ZNF578: variants seen among roughly 807,000 people sequenced by gnomAD.
The protein encoded by ZNF578 is zinc finger protein 578, also known as Putative chemokine-related protein B42.
In ZNF578, 8 loss-of-function variants were observed where a neutral mutation model predicts 8.3. That is an observed-to-expected ratio of 0.96 (90% CI 0.56 to 1.74). The LOEUF (loss-of-function observed/expected upper bound fraction) is 1.74, where lower values mean the gene tolerates loss of function less well. Among genes scored for constraint, ZNF578 ranks in the 40% most tolerant of loss-of-function variants. The pLI, the probability that ZNF578 is intolerant of heterozygous loss-of-function variation, is 0.00. For synonymous variants in ZNF578, 206 were observed against 232.2 expected (o/e 0.89, Z 1.03); for missense variants, 726 against 707.5 (o/e 1.03, Z -0.30).
chr19:52,491,943 G>A (rs1276697798), intron 3 of ZNF578, among the ~76,000 whole-genome samples: 1 of 151,770 alleles, frequency 6.6e-6, no homozygotes, highest in African/African-American at 2.4e-5. Context: ...GGCGGATCAC[G>A]AAGTCAGGAG....
intron 2 of ZNF578, among the ~76,000 whole-genome samples, chr19:52,464,398 C>A (rs960886555): frequency 6.6e-6 from 1 of 152,130 alleles, no homozygotes; most frequent in Non-Finnish European, 1.5e-5. Flanking sequence ...AGTAGCAATT[C>A]CTAAGGTGGG....
At chr19:52,502,767 C>T (rs117810408) in intron 4 of ZNF578, among the ~76,000 whole-genome samples, 26,645 of 152,048 alleles carry the variant, frequency 0.18, 2,707 homozygotes, top group Non-Finnish European at 0.23. Flanking sequence ...GAGAAGGTGT[C>T]GCTCTGTGGC....
Position 52,479,995 on chromosome 19 carries a change from C to T in ZNF578, c.-121-11329C>T, listed in dbSNP as rs552725202. Among the ~76,000 whole-genome samples, 58 of 152,200 alleles carry T rather than the reference C, an allele frequency of 3.8e-4. 1 individual carries two copies. In the South Asian group the frequency reaches 0.011, roughly 29 times the overall value. On this transcript the variant is annotated intron_variant, in intron 2 of 5. Coordinates refer to ENST00000421239, the MANE Select transcript of ZNF578 (RefSeq NM_001099694.2). ...CACAATCTTGGCTCACTGCAAGCTC[C>T]GCCTCCCGGGTTCATGCCATTCTCC...
chr19:52,501,168 C>T (rs111865301), intron 3 of ZNF578, among the ~76,000 whole-genome samples: 20 of 152,154 alleles, frequency 1.3e-4, no homozygotes, highest in Non-Finnish European at 2.4e-4. Context: ...AGAGCCCCTG[C>T]GTCTGGCCTC....
intron 2 of ZNF578, among the ~76,000 whole-genome samples, chr19:52,482,193 C>T (rs1289596484): frequency 6.6e-6 from 1 of 152,154 alleles, no homozygotes. Flanking sequence ...ACCACAACGC[C>T]CGGCTAATTT....
chr19:52,508,893 A>ATTTTTTTT (rs869062581), intron 5 of ZNF578, among the ~76,000 whole-genome samples: 2 of 82,046 alleles, frequency 2.4e-5, no homozygotes, highest in Non-Finnish European at 4.4e-5. Context: ...CTATTAGTCA[A>ATTTTTTTT]TTTTTTTTTT....
At chr19:52,465,505 G>A (rs1006674370) in intron 2 of ZNF578, among the ~76,000 whole-genome samples, 10 of 152,166 alleles carry the variant, frequency 6.6e-5, no homozygotes, top group African/African-American at 2.4e-4. Flanking sequence ...GTCTGAAAAG[G>A]CTCCAGTGCT....
intron 5 of ZNF578, among the ~76,000 whole-genome samples, 168 bp from the exon 6 acceptor site, chr19:52,510,404 A>G (rs2059440228): frequency 6.6e-6 from 1 of 152,218 alleles, no homozygotes; most frequent in Admixed American, 6.5e-5. Flanking sequence ...AGGACATGTA[A>G]TTGTCTGTTA....
At chr19:52,500,778 G>T (rs1157499803) in intron 3 of ZNF578, among the ~76,000 whole-genome samples, 4 of 152,016 alleles carry the variant, frequency 2.6e-5, no homozygotes, top group Admixed American at 2.0e-4. Flanking sequence ...GGGGAGTCTG[G>T]TTCCCTAAGC....
rs1021618766 is a variant in ZNF578, at chr19:52,511,136, T to A, written c.755T>A (p.Ile252Asn). Residue 252 changes from isoleucine (I) to asparagine (N), a missense_variant, in exon 6 of 6, where the codon ATC becomes AAC. Ile to Asn is a moderately radical substitution (Grantham distance 149). Transcript: ENST00000421239. ...CSSFVRKHQIIHLGEKQYKFD... is the reference protein window; with the variant it reads ...CSSFVRKHQINHLGEKQYKFD... The stretch of plus-strand genomic sequence containing the variant: ...TCATTTGTAAGGAAACATCAGATAA[T>A]CCATTTAGGAGAAAAACAATATAAA... 1.9e-6 allele frequency: 3 copies of A among 1,613,970 alleles called. No individual in the cohort carries two copies. Among genetic ancestry groups the A allele is most frequent in the Non-Finnish European group, 2.5e-6 (3 of 1,179,984 alleles).
intron 2 of ZNF578, among the ~76,000 whole-genome samples, chr19:52,484,807 T>C (rs1307384816): frequency 6.6e-6 from 1 of 151,180 alleles, no homozygotes; most frequent in Non-Finnish European, 1.5e-5. Flanking sequence ...AATTTTCCTT[T>C]ACCTACCCAA....
chr19:52,511,871 C>T lies in ZNF578; in HGVS notation c.1490C>T (p.Ser497Phe), dbSNP rs762994304. The change falls in exon 6 of 6, where the codon TCT becomes TTT. Residue 497 changes from serine (S) to phenylalanine (F), a missense_variant. Physicochemically the swap from Ser to Phe is radical, Grantham distance 155. Transcript: ENST00000421239. ...ECHKTFSHRS[S>F]LPCHRRLHSG... is the part of the protein sequence containing the mutation. ...CACAAGACCTTCAGTCACAGGTCAT[C>T]TCTTCCATGCCATCGTAGACTTCAT... is the stretch of plus-strand genomic sequence containing the variant. The T allele has an allele frequency of 1.2e-6, 2 of 1,613,322 alleles. No individual in the cohort carries two copies. The highest frequency in any genetic ancestry group is 4.5e-5 in the East Asian group (2 of 44,794).
chr19:52,463,435 G>T (rs2059264859), intron 2 of ZNF578, among the ~76,000 whole-genome samples: 1 of 152,176 alleles, frequency 6.6e-6, no homozygotes, highest in Non-Finnish European at 1.5e-5. Flanking sequence ...CTTTGATGTG[G>T]TAATTGCCTG....
In ZNF578 at chr19:52,475,244, T is replaced by A. The variant is rs560791223; in HGVS notation, c.-121-16080T>A. On this transcript the variant is annotated intron_variant, in intron 2 of 5. Coordinates refer to ENST00000421239, the MANE Select transcript of ZNF578 (RefSeq NM_001099694.2). ...ACATTCATAAGATTTTTCCCTAATGTGTGTTTTCTGTTCTTGTGGGAGCAA... is the reference window on the plus strand; with the variant it reads ...ACATTCATAAGATTTTTCCCTAATGAGTGTTTTCTGTTCTTGTGGGAGCAA... 82 of 221,360 alleles carry A rather than the reference T, an allele frequency of 3.7e-4. No homozygotes were observed. The South Asian group carries it at 5.6e-3, about 15-fold the overall frequency. The allele number at this position is 221,360 out of a possible 1,614,324, so 13.7% of individuals were successfully genotyped here.
Position 52,511,840 on chromosome 19 carries a change from G to C in ZNF578, c.1459G>C (p.Glu487Gln). ...HTGEKPYKCNECHKTFSHRSS... is the reference protein window; with the variant it reads ...HTGEKPYKCNQCHKTFSHRSS... ...TGGAGAGAAACCTTACAAGTGTAAT[G>C]AGTGTCACAAGACCTTCAGTCACAG... The change falls in exon 6 of 6, where the codon GAG becomes CAG. Residue 487 changes from glutamate (E) to glutamine (Q), a missense_variant. Glu to Gln is a conservative substitution (Grantham distance 29, BLOSUM62 2). Transcript: ENST00000421239. 1.9e-6 allele frequency: 3 copies of C among 1,613,900 alleles called. No individual in the cohort carries two copies. Among genetic ancestry groups the C allele is most frequent in the Non-Finnish European group, 2.5e-6 (3 of 1,179,904 alleles).
intron 3 of ZNF578, among the ~76,000 whole-genome samples, chr19:52,496,368 C>T (rs2059386396): frequency 2.3e-5 from 3 of 130,488 alleles, no homozygotes; most frequent in Admixed American, 8.1e-5. Flanking sequence ...CTCGCTCTGT[C>T]ACCCAGGCTG....
intron 2 of ZNF578, among the ~76,000 whole-genome samples, chr19:52,490,379 A>G (rs1373670575): frequency 5.3e-5 from 8 of 152,192 alleles, no homozygotes; most frequent in Non-Finnish European, 1.0e-4. Flanking sequence ...GTGTGTGCTG[A>G]TTTTAAGTAG....
At chr19:52,484,713 G>C (rs1432016509) in intron 2 of ZNF578, among the ~76,000 whole-genome samples, 2 of 151,576 alleles carry the variant, frequency 1.3e-5, no homozygotes, top group African/African-American at 4.8e-5. Flanking sequence ...TCCTTCTCCT[G>C]GCTCATCCTG....
chr19:52,516,299 C>A lies in ZNF578; in HGVS notation c.*4145C>A, dbSNP rs533226992. 5.3e-5 allele frequency among the ~76,000 whole-genome samples: 8 copies of A among 152,320 alleles called. No individual in the cohort carries two copies. The South Asian group carries it at 1.7e-3, about 32-fold the overall frequency. On this transcript the variant is annotated 3_prime_UTR_variant, in exon 6 of 6. Coordinates refer to ENST00000421239, the MANE Select transcript of ZNF578 (RefSeq NM_001099694.2). ...CATGAGCCACTGCAACCAGCCTCTG[C>A]ATGGGGTTTCCTCAACTTTAGGTCT...
Sources: gnomAD v4.1 joint callset for allele counts (sites outside exome capture counted in the v4.1 genomes callset) on GRCh38, gnomAD v4.1.1 for gene constraint, MANE v1.5 for transcripts, NCBI Gene and HGNC (gene_info 2026-07-23, HGNC 2026-07-21) for gene names.